MYO9A: variants seen among roughly 807,000 people sequenced by gnomAD.
MYO9A encodes the protein myosin IXA.
MYO9A carries 103 observed loss-of-function variants against 293.3 expected under a neutral mutation model. The observed-to-expected ratio is 0.35, with a 90% CI of 0.30 to 0.41. MYO9A has a LOEUF of 0.41. Ranked by LOEUF, MYO9A falls within the 10% of genes least tolerant of loss-of-function variation. The pLI is 1.00. For synonymous variants in MYO9A, 1,001 were observed against 1,035.7 expected, an observed-to-expected ratio of 0.97 and a Z score of 0.64; for missense variants, 2,685 against 3,033.0, an observed-to-expected ratio of 0.89 and a Z score of 2.69.
At chr15:71,969,251 G>A (rs966391576) in intron 12 of MYO9A, among the ~76,000 whole-genome samples, 4 of 152,030 alleles carry the variant, frequency 2.6e-5, no homozygotes, top group Admixed American at 2.6e-4. Flanking sequence ...TGGTCACCTT[G>A]ACCTGCTTTT....
chr15:71,881,011 AATT>A (rs1237019359), intron 28 of MYO9A, among the ~76,000 whole-genome samples: 2 of 152,072 alleles, frequency 1.3e-5, no homozygotes, highest in Non-Finnish European at 2.9e-5. Flanking sequence ...GGAGTTTGAT[AATT>A]ATTATTATTT....
chr15:72,037,158 C>T (rs377190155), intron 2 of MYO9A, among the ~76,000 whole-genome samples: 4 of 151,744 alleles, frequency 2.6e-5, no homozygotes, highest in African/African-American at 9.7e-5. Context: ...TCTTCACACT[C>T]CCCACTGCAC....
intron 1 of MYO9A, among the ~76,000 whole-genome samples, chr15:72,099,088 G>A (rs949971721): frequency 2.6e-5 from 4 of 152,110 alleles, no homozygotes; most frequent in Admixed American, 1.3e-4. Context: ...GAGCCCAGAA[G>A]TTCGAGATCA....
At chr15:72,015,860 T>C (rs1324107220) in intron 6 of MYO9A, among the ~76,000 whole-genome samples, 1 of 151,932 alleles carries the variant, frequency 6.6e-6, no homozygotes, top group Non-Finnish European at 1.5e-5. Flanking sequence ...GCTAATTTTT[T>C]GTATTTTTTA....
intron 32 of MYO9A, among the ~76,000 whole-genome samples, chr15:71,872,890 T>C (rs759511174): frequency 2.0e-5 from 3 of 152,096 alleles, no homozygotes; most frequent in Non-Finnish European, 4.4e-5. Context: ...AGTAGCTTTC[T>C]GTACAGTGTT....
intron 9 of MYO9A, among the ~76,000 whole-genome samples, chr15:71,996,250 A>C (rs562572699): frequency 1.2e-4 from 18 of 152,344 alleles, no homozygotes; most frequent in African/African-American, 3.8e-4. Flanking sequence ...ATAAGCATAT[A>C]AACATTATCA....
At chr15:71,956,807 ATATATATGC>A (rs1194542250) in intron 14 of MYO9A, among the ~76,000 whole-genome samples, 3 of 149,246 alleles carry the variant, frequency 2.0e-5, no homozygotes, top group South Asian at 2.1e-4. Context: ...TGTATGCTAT[ATATATATGC>A]TATATATGCT....
At chr15:71,975,519 G>A (rs2076121789) in intron 12 of MYO9A, among the ~76,000 whole-genome samples, 1 of 151,070 alleles carries the variant, frequency 6.6e-6, no homozygotes, top group Admixed American at 6.6e-5. Context: ...GGTCTCAGGA[G>A]CAGGTCACAG....
intron 26 of MYO9A, 180 bp from the exon 27 acceptor site, chr15:71,888,296 A>G: frequency 2.7e-6 from 1 of 367,452 alleles, no homozygotes; most frequent in Non-Finnish European, 4.9e-6. Context: ...AATCTGAAAT[A>G]AAGATGACTT....
rs3086807 is a variant in MYO9A at position 71,905,762 on chromosome 15, C to CAAAAAAAA, written c.2686-764_2686-757dup. Reference sequence around the variant, plus strand: ...TGCGCAACAAAGTGAGACTCTGTCTCAAAAAAAAAAAAAAAAAAAAAAAAA... The same window carrying CAAAAAAAA: ...TGCGCAACAAAGTGAGACTCTGTCTCAAAAAAAAAAAAAAAAAAAAAAAAAAAAAAAAA... On this transcript the variant is annotated intron_variant, in intron 19 of 41. Transcript: ENST00000356056. Among the ~76,000 whole-genome samples, 18 of 71,908 alleles carry CAAAAAAAA rather than the reference C, an allele frequency of 2.5e-4. 1 individual carries two copies. Among genetic ancestry groups the CAAAAAAAA allele is most frequent in the South Asian group, 7.8e-4 (1 of 1,284 alleles). 47.2% of individuals were successfully genotyped at this position (71,908 alleles called of 152,430 possible).
chr15:71,918,694 T>C (rs1208155668), intron 18 of MYO9A, among the ~76,000 whole-genome samples: 2 of 152,208 alleles, frequency 1.3e-5, no homozygotes, highest in African/African-American at 4.8e-5. Flanking sequence ...CAAATTAGCA[T>C]TGAAGCCTAA....
chr15:71,983,470 C>CTTTTTTTTTTTTTT (rs1170508506), intron 11 of MYO9A, among the ~76,000 whole-genome samples: 48 of 72,896 alleles, frequency 6.6e-4, no homozygotes, highest in Non-Finnish European at 7.9e-4. Flanking sequence ...TTTTTTATTT[C>CTTTTTTTTTTTTTT]TTTTTTTTTT....
chr15:72,099,707 A>G (rs8037333), intron 1 of MYO9A, among the ~76,000 whole-genome samples: 141,435 of 151,758 alleles, frequency 0.93, 66,744 homozygotes, highest in East Asian at 1. Context: ...TTTGAGACCA[A>G]CCTGACCAAT....
At chr15:71,867,703 TGA>T (rs2056377404) in intron 32 of MYO9A, among the ~76,000 whole-genome samples, 1 of 150,072 alleles carries the variant, frequency 6.7e-6, no homozygotes, top group Non-Finnish European at 1.5e-5. Flanking sequence ...AACTACAAAA[TGA>T]GACTACCTTT....
At chr15:71,873,034 T>C (rs2056567897) in intron 32 of MYO9A, among the ~76,000 whole-genome samples, 1 of 152,058 alleles carries the variant, frequency 6.6e-6, no homozygotes, top group South Asian at 2.1e-4. Context: ...TGCCTCAGCC[T>C]CCCGAGCAGC....
At chr15:72,060,212 T>C (rs2078841918) in intron 1 of MYO9A, among the ~76,000 whole-genome samples, 1 of 152,158 alleles carries the variant, frequency 6.6e-6, no homozygotes, top group African/African-American at 2.4e-5. Context: ...CTTTTTCCCC[T>C]TCCACTGTCT....
In MYO9A at chr15:71,824,625, T is replaced by TTCTC. The variant is rs1168450635; in HGVS notation, c.*1951_*1954dup. On this transcript the variant is annotated 3_prime_UTR_variant, in exon 42 of 42. Coordinates refer to ENST00000356056, the MANE Select transcript of MYO9A (RefSeq NM_006901.4). ...GGGTTTTCCTCTATCCTCTAGGAGA[T>TTCTC]TCTCTGAAATTCAGATTTTTAAAAG... is the stretch of plus-strand genomic sequence containing the variant. The TTCTC allele has an allele frequency of 6.6e-6, 1 of 152,258 alleles. No individual in the cohort carries two copies. The highest frequency in any genetic ancestry group is 2.4e-5 in the African/African-American group (1 of 41,474). The allele number at this position is 152,258 out of a possible 1,614,324, so 9.4% of individuals were successfully genotyped here.
chr15:72,020,826 C>A, intron 5 of MYO9A, 92 bp downstream of exon 5: 1 of 670,874 alleles, frequency 1.5e-6, no homozygotes, highest in Non-Finnish European at 2.3e-6. Flanking sequence ...TAATCCATTC[C>A]TAGGTTTGAG....
chr15:72,049,262 CA>C (rs1268000773), intron 1 of MYO9A, among the ~76,000 whole-genome samples: 1 of 152,088 alleles, frequency 6.6e-6, no homozygotes. Context: ...AATTGATATT[CA>C]AATTTCCAAA....
Sources: gnomAD v4.1 joint callset for allele counts (sites outside exome capture counted in the v4.1 genomes callset) on GRCh38, gnomAD v4.1.1 for gene constraint, MANE v1.5 for transcripts, NCBI Gene and HGNC (gene_info 2026-07-23, HGNC 2026-07-21) for gene names.